Variants in ARHGAP15 observed in about 807,000 individuals in gnomAD.
ARHGAP15 encodes rho GTPase-activating protein 15.
A neutral mutation model predicts 63.7 loss-of-function variants in ARHGAP15; 51 were observed. The ratio of observed to expected loss-of-function variants is 0.80; its 90% confidence interval spans 0.64 to 1.01. ARHGAP15 has a LOEUF of 1.01. ARHGAP15 is among the 50% of genes least tolerant of loss of function. The pLI, the probability that ARHGAP15 is intolerant of heterozygous loss-of-function variation, is 0.00. For missense variants in ARHGAP15, 560 were observed against 564.6 expected (o/e 0.99, Z 0.08); for synonymous variants, 191 against 193.8 (o/e 0.99, Z 0.12).
chr2:143,734,770 A>C (rs995542939), intron 13 of ARHGAP15, among the ~76,000 whole-genome samples: 1 of 152,082 alleles, frequency 6.6e-6, no homozygotes, highest in Admixed American at 6.5e-5. Flanking sequence ...GTTAGATTGT[A>C]CCTGAATGGA....
intron 11 of ARHGAP15, among the ~76,000 whole-genome samples, chr2:143,577,427 G>C (rs1380905627): frequency 1.3e-5 from 2 of 152,074 alleles, no homozygotes; most frequent in Non-Finnish European, 2.9e-5. Flanking sequence ...GATTTTAAGG[G>C]ACAAAAACCA....
intron 13 of ARHGAP15, among the ~76,000 whole-genome samples, chr2:143,728,374 TGCAGTCACATTCTGA>T (rs1685380455): frequency 6.6e-6 from 1 of 152,164 alleles, no homozygotes; most frequent in South Asian, 2.1e-4. Flanking sequence ...AGTCTCCAAA[TGCAGTCACATTCTGA>T]GCTAACGGTA....
At chr2:143,586,677 A>AT (rs76959338) in intron 11 of ARHGAP15, among the ~76,000 whole-genome samples, 42 of 150,386 alleles carry the variant, frequency 2.8e-4, no homozygotes, top group Admixed American at 9.3e-4. Flanking sequence ...ATATGTAAAT[A>AT]TTTTTTTTTT....
intron 1 of ARHGAP15, among the ~76,000 whole-genome samples, chr2:143,132,069 A>G (rs140375127): frequency 6.6e-6 from 1 of 152,148 alleles, no homozygotes; most frequent in Non-Finnish European, 1.5e-5. Context: ...ATTATTTAAC[A>G]TAATTAGTTT....
chr2:143,224,559 C>T (rs1693130916), intron 4 of ARHGAP15, among the ~76,000 whole-genome samples: 1 of 152,208 alleles, frequency 6.6e-6, no homozygotes, highest in East Asian at 1.9e-4. Context: ...AGTCTATTTG[C>T]AAAGTTTCCT....
chr2:143,144,245 A>G (rs1689488920), intron 1 of ARHGAP15, among the ~76,000 whole-genome samples: 1 of 151,982 alleles, frequency 6.6e-6, no homozygotes, highest in African/African-American at 2.4e-5. Flanking sequence ...TAAAGGGATG[A>G]TTTATATTCC....
At chr2:143,582,228 T>C (rs1388332619) in intron 11 of ARHGAP15, among the ~76,000 whole-genome samples, 1 of 152,120 alleles carries the variant, frequency 6.6e-6, no homozygotes, top group East Asian at 1.9e-4. Flanking sequence ...TGTGTTTTTA[T>C]TAGGGGGGCA....
chr2:143,576,895 T>C (rs983552049), intron 11 of ARHGAP15, among the ~76,000 whole-genome samples: 6 of 152,144 alleles, frequency 3.9e-5, no homozygotes, highest in East Asian at 1.9e-4. Context: ...TAATCCTCCA[T>C]TGAAGAAATG....
At chr2:143,616,572 AG>A (rs1455538864) in intron 11 of ARHGAP15, among the ~76,000 whole-genome samples, 4 of 152,318 alleles carry the variant, frequency 2.6e-5, no homozygotes, top group African/African-American at 7.2e-5. Context: ...CAGAAATAAA[AG>A]CTTTTAAAGA....
At chr2:143,354,219 G>T (rs919746594) in intron 6 of ARHGAP15, among the ~76,000 whole-genome samples, 4 of 152,170 alleles carry the variant, frequency 2.6e-5, no homozygotes, top group Admixed American at 2.6e-4. Flanking sequence ...TTTTGAAACT[G>T]CAGCTCCTCC....
chr2:143,336,171 G>T (rs1684763549), intron 6 of ARHGAP15, among the ~76,000 whole-genome samples: 1 of 151,920 alleles, frequency 6.6e-6, no homozygotes, highest in African/African-American at 2.4e-5. Context: ...GCCACACCTG[G>T]CTAATTTTTG....
intron 13 of ARHGAP15, among the ~76,000 whole-genome samples, chr2:143,721,580 G>C (rs1685061883): frequency 6.6e-6 from 1 of 152,208 alleles, no homozygotes; most frequent in Admixed American, 6.5e-5. Flanking sequence ...CAAGATGGCA[G>C]AATGCAAATT....
Position 143,478,232 on chromosome 2 carries a change from C to G in ARHGAP15, c.704-9141C>G, listed in dbSNP as rs1574504180. Among the ~76,000 whole-genome samples the G allele has an allele frequency of 2.0e-5, 3 of 152,252 alleles. No homozygotes were observed. The South Asian group carries it at 6.2e-4, about 32-fold the overall frequency. On this transcript the variant is annotated intron_variant, in intron 8 of 13. Coordinates refer to ENST00000295095, the MANE Select transcript of ARHGAP15 (RefSeq NM_018460.4). ...TACCCAGATGTATTCTTCAACTGTT[C>G]TTATTGGCAATCCAGAGAGTATTCA...
chr2:143,747,535 T>C (rs530919462), intron 13 of ARHGAP15, among the ~76,000 whole-genome samples: 10 of 152,304 alleles, frequency 6.6e-5, no homozygotes, highest in African/African-American at 2.2e-4. Context: ...CACCTTTTCA[T>C]TCCTCCCTCC....
At chr2:143,527,261 A>G (rs1694319872) in intron 10 of ARHGAP15, among the ~76,000 whole-genome samples, 1 of 152,082 alleles carries the variant, frequency 6.6e-6, no homozygotes, top group African/African-American at 2.4e-5. Context: ...TGAACATGAC[A>G]TATTTTTTTG....
intron 6 of ARHGAP15, among the ~76,000 whole-genome samples, chr2:143,306,547 T>G (rs1683180187): frequency 1.3e-5 from 2 of 152,158 alleles, no homozygotes; most frequent in Admixed American, 1.3e-4. Flanking sequence ...CAAATTGCCT[T>G]GCACAGTGCC....
At chr2:143,518,997 T>C (rs1693942403) in intron 9 of ARHGAP15, 1 of 228,728 alleles carries the variant, frequency 4.4e-6, no homozygotes, top group African/African-American at 2.3e-5. Context: ...ACCACAAAAT[T>C]AAGGCCCAGA....
chr2:143,321,897 T>G (rs1000470562), intron 6 of ARHGAP15, among the ~76,000 whole-genome samples: 10 of 152,170 alleles, frequency 6.6e-5, no homozygotes, highest in Non-Finnish European at 1.2e-4. Context: ...ATGCTGGTCT[T>G]GAAGCCTTGG....
rs936970522 is a variant in ARHGAP15, at chr2:143,425,489, T to C, written c.475-10112T>C. On this transcript the variant is annotated intron_variant, in intron 6 of 13. Coordinates refer to ENST00000295095, the MANE Select transcript of ARHGAP15 (RefSeq NM_018460.4). Reference sequence around the variant, plus strand: ...TATACCTATATATCATATATAGTGATATATATATGAACATATTACATGTAC... The same window carrying C: ...TATACCTATATATCATATATAGTGACATATATATGAACATATTACATGTAC... Among the ~76,000 whole-genome samples the C allele has an allele frequency of 1.1e-4, 16 of 152,072 alleles. 1 individual carries two copies. In the South Asian group the frequency reaches 2.5e-3, roughly 24 times the overall value.
Sources: allele counts gnomAD v4.1 joint callset (sites outside exome capture counted in the v4.1 genomes callset), GRCh38; gene constraint gnomAD v4.1.1; transcripts MANE v1.5; gene names NCBI Gene and HGNC (gene_info 2026-07-23, HGNC 2026-07-21).